Variants in LSAMP observed in about 807,000 individuals in gnomAD.
LSAMP encodes the protein limbic system-associated membrane protein.
A neutral mutation model predicts 38.6 loss-of-function variants in LSAMP; 7 were observed. That is an observed-to-expected ratio of 0.18 (90% confidence interval 0.10 to 0.34). The LOEUF (loss-of-function observed/expected upper bound fraction) is 0.34, where lower values mean the gene tolerates loss of function less well. Among genes scored for constraint, LSAMP ranks in the 10% least tolerant of loss-of-function variants. The pLI is 1.00. For missense variants in LSAMP, 313 were observed against 420.0 expected (o/e 0.75, Z 2.23); for synonymous variants, 154 against 166.8 (o/e 0.92, Z 0.59).
chr3:115,813,687 A>G (rs1933916269), intron 6 of LSAMP, among the ~76,000 whole-genome samples: 2 of 152,314 alleles, frequency 1.3e-5, no homozygotes, highest in African/African-American at 4.8e-5. Flanking sequence ...TAGTTGGGAA[A>G]TCATCACAAG....
At chr3:116,049,546 C>T (rs941045006) in intron 2 of LSAMP, among the ~76,000 whole-genome samples, 10 of 152,164 alleles carry the variant, frequency 6.6e-5, no homozygotes, top group Admixed American at 4.6e-4. Flanking sequence ...AGGGTGGTTA[C>T]TTACATAATA....
At chr3:116,245,667 A>C (rs943933169) in intron 1 of LSAMP, among the ~76,000 whole-genome samples, 2 of 152,196 alleles carry the variant, frequency 1.3e-5, no homozygotes, top group Non-Finnish European at 2.9e-5. Flanking sequence ...ATTATAAATT[A>C]TTTTTAAAAA....
At chr3:116,091,641 C>T (rs1025236871) in intron 1 of LSAMP, among the ~76,000 whole-genome samples, 1 of 152,192 alleles carries the variant, frequency 6.6e-6, no homozygotes, top group Non-Finnish European at 1.5e-5. Context: ...TCCCTGACTT[C>T]CCGCAACAAT....
chr3:116,049,079 C>G (rs1001527673), intron 2 of LSAMP, among the ~76,000 whole-genome samples: 10 of 152,178 alleles, frequency 6.6e-5, no homozygotes, highest in African/African-American at 1.9e-4. Flanking sequence ...GATTAGGAGA[C>G]AGTAAATACA....
At chr3:115,860,594 C>T (rs946469148) in intron 3 of LSAMP, among the ~76,000 whole-genome samples, 1 of 152,098 alleles carries the variant, frequency 6.6e-6, no homozygotes, top group Non-Finnish European at 1.5e-5. Context: ...TTGAAAAGAT[C>T]AAATGAACCA....
At chr3:116,413,429 T>C (rs2049006326) in intron 1 of LSAMP, among the ~76,000 whole-genome samples, 1 of 152,056 alleles carries the variant, frequency 6.6e-6, no homozygotes. Context: ...TCTTTGCAGA[T>C]ATTCTATATA....
chr3:116,275,820 T>TTTTA (rs1305931121), intron 1 of LSAMP, among the ~76,000 whole-genome samples: 1 of 152,226 alleles, frequency 6.6e-6, no homozygotes, highest in African/African-American at 2.4e-5. Flanking sequence ...CATCAATTAA[T>TTTTA]TTTATTTCCA....
intron 1 of LSAMP, among the ~76,000 whole-genome samples, chr3:116,415,980 T>C (rs1453156949): frequency 6.6e-6 from 1 of 152,178 alleles, no homozygotes; most frequent in Non-Finnish European, 1.5e-5. Flanking sequence ...TTCCTTAAAG[T>C]GATGACATTC....
chr3:116,300,974 T>C (rs1407296994), intron 1 of LSAMP, among the ~76,000 whole-genome samples: 1 of 151,806 alleles, frequency 6.6e-6, no homozygotes, highest in Non-Finnish European at 1.5e-5. Flanking sequence ...ATAAATATAA[T>C]AAATATTATT....
chr3:116,383,137 G>A (rs2048583454), intron 1 of LSAMP, among the ~76,000 whole-genome samples: 2 of 152,112 alleles, frequency 1.3e-5, no homozygotes, highest in South Asian at 2.1e-4. Context: ...GATTATAAAT[G>A]AGAAACTCTT....
chr3:116,434,400 A>C (rs2049319790), intron 1 of LSAMP, among the ~76,000 whole-genome samples: 1 of 152,212 alleles, frequency 6.6e-6, no homozygotes, highest in Admixed American at 6.5e-5. Flanking sequence ...ACATGTAGTA[A>C]ATGCAAAGTT....
chr3:116,090,593 G>GC (rs1356465332), intron 1 of LSAMP, among the ~76,000 whole-genome samples: 1 of 152,202 alleles, frequency 6.6e-6, no homozygotes, highest in Non-Finnish European at 1.5e-5. Context: ...CGGGGGACCT[G>GC]CCCCGGAAAA....
Position 115,810,423 on chromosome 3 carries a change from C to CAAAAGAGGAGAGAG in LSAMP, c.920-23_920-10dup, listed in dbSNP as rs1279459370. On this transcript the variant is annotated splice_polypyrimidine_tract_variant and intron_variant, in intron 6 of 6. Transcript: ENST00000490035. ...TCTCACCGACCCAGGTCCTGCAGAG[C>CAAAAGAGGAGAGAG]AAAAGAGGAGAGAGAAAAAGAGAAT... is the stretch of plus-strand genomic sequence containing the variant. The CAAAAGAGGAGAGAG allele has an allele frequency of 3.1e-6, 5 of 1,595,368 alleles. No individual in the cohort carries two copies. The South Asian group carries it at 5.5e-5, about 18-fold the overall frequency.
At chr3:116,089,459 G>C (rs542909588) in intron 1 of LSAMP, among the ~76,000 whole-genome samples, 1 of 152,132 alleles carries the variant, frequency 6.6e-6, no homozygotes, top group African/African-American at 2.4e-5. Context: ...CCAGGTTCAC[G>C]CCATTCTCCT....
At chr3:116,343,705 C>A (rs1019113065) in intron 1 of LSAMP, among the ~76,000 whole-genome samples, 1 of 148,314 alleles carries the variant, frequency 6.7e-6, no homozygotes, top group East Asian at 2.0e-4. Context: ...GGCCATATCT[C>A]ATAAATTTCT....
At chr3:116,079,578 T>C (rs985142085) in intron 2 of LSAMP, among the ~76,000 whole-genome samples, 1 of 137,356 alleles carries the variant, frequency 7.3e-6, no homozygotes, top group Non-Finnish European at 1.5e-5. Flanking sequence ...ACTGGAACCC[T>C]GGAGAATCAG....
At chr3:115,968,953 T>C (rs73860535) in intron 3 of LSAMP, among the ~76,000 whole-genome samples, 38,955 of 152,124 alleles carry the variant, frequency 0.26, 5,928 homozygotes, top group African/African-American at 0.44. Flanking sequence ...GTCTACCCAG[T>C]CTTGCTTTCT....
intron 1 of LSAMP, among the ~76,000 whole-genome samples, chr3:116,199,448 C>T (rs546301586): frequency 3.9e-5 from 6 of 152,188 alleles, no homozygotes; most frequent in African/African-American, 7.2e-5. Flanking sequence ...ATTTTATCCC[C>T]GCTGAAGAAA....
chr3:116,260,822 C>A (rs1549832), intron 1 of LSAMP, among the ~76,000 whole-genome samples: 120,414 of 152,044 alleles, frequency 0.79, 47,991 homozygotes, highest in Non-Finnish European at 0.84. Flanking sequence ...AATCCTAAGA[C>A]CTAAAGTCTA....
Sources: allele counts gnomAD v4.1 joint callset (sites outside exome capture counted in the v4.1 genomes callset), GRCh38; gene constraint gnomAD v4.1.1; transcripts MANE v1.5; gene names NCBI Gene and HGNC (gene_info 2026-07-23, HGNC 2026-07-21).